DNAH6: variants seen among roughly 807,000 people sequenced by gnomAD.
The protein encoded by DNAH6 is dynein axonemal heavy chain 6.
Under a neutral mutation model 491.4 loss-of-function variants are expected in DNAH6, and 340 were observed. That is an observed-to-expected ratio of 0.69 (90% CI 0.63 to 0.76). The LOEUF is 0.76. Among genes scored for constraint, DNAH6 ranks in the 30% least tolerant of loss-of-function variants. The pLI is 0.00. For missense variants in DNAH6, 4,443 were observed against 4,972.2 expected, an observed-to-expected ratio of 0.89 and a Z score of 3.20; for synonymous variants, 1,603 against 1,686.1, an observed-to-expected ratio of 0.95 and a Z score of 1.21.
chr2:84,701,711 A>G (rs1031211291), intron 49 of DNAH6, among the ~76,000 whole-genome samples: 7 of 152,178 alleles, frequency 4.6e-5, no homozygotes, highest in Admixed American at 2.6e-4. Flanking sequence ...ACTCACTATC[A>G]TGATGACAGC....
rs1244964692 is a variant in DNAH6, at chr2:84,552,932, G to A, written c.1500G>A (p.Val500=). The A allele has an allele frequency of 3.1e-6, 5 of 1,609,236 alleles. No individual in the cohort carries two copies. Among genetic ancestry groups the A allele is most frequent in the Non-Finnish European group, 4.2e-6 (5 of 1,176,946 alleles). The change falls in exon 10 of 77, where the codon GTG becomes GTA. Residue 500 remains valine (V), a synonymous_variant. Transcript: ENST00000389394. The part of the protein sequence containing the change: ...EVPDKKGTLM[V]EKQEEDESLI... Reference sequence around the variant, plus strand: ...ATTCATTTCAGGGGACCCTTATGGTGGAAAAGCAAGAAGAAGATGAATCTC... The same window carrying A: ...ATTCATTTCAGGGGACCCTTATGGTAGAAAAGCAAGAAGAAGATGAATCTC...
intron 9 of DNAH6, 134 bp downstream of exon 9, chr2:84,550,191 T>G (rs1321551505): frequency 2.8e-6 from 2 of 708,766 alleles, no homozygotes; most frequent in Non-Finnish European, 4.4e-6. Context: ...GCCCCCAACA[T>G]TTTGGACACC....
chr2:84,654,781 A>C lies in DNAH6; in HGVS notation c.5756A>C (p.Lys1919Thr), dbSNP rs749582625. The change falls in exon 35 of 77, where the codon AAA (lysine) becomes ACA (threonine). Residue 1919 changes from lysine (K) to threonine (T), a missense_variant and splice_region_variant. Transcript: ENST00000389394. ...VKTWMKGISK[K>T]LTEETQEYIL... is the part of the protein sequence containing the mutation. ...ACTTGGATGAAGGGTATTTCTAAAA[A>C]AGTAAGTGCCATCAGATATTCCCCA... The C allele has an allele frequency of 1.3e-6, 2 of 1,550,702 alleles. No homozygotes were observed. The highest frequency in any genetic ancestry group is 1.7e-6 in the Non-Finnish European group (2 of 1,146,028).
chr2:84,634,474 C>T (rs569590504), intron 29 of DNAH6, 30 bp from the exon 30 acceptor site: 2 of 1,500,844 alleles, frequency 1.3e-6, no homozygotes, highest in East Asian at 5.1e-5. Context: ...CTACACAATA[C>T]AAAGTTGAAC....
chr2:84,797,881 C>T (rs193300647), intron 70 of DNAH6, among the ~76,000 whole-genome samples: 1 of 152,304 alleles, frequency 6.6e-6, no homozygotes, highest in African/African-American at 2.4e-5. Flanking sequence ...ACTGGCCAAG[C>T]CCCTACATCT....
chr2:84,513,230 A>G (rs910189005), upstream of DNAH6, among the ~76,000 whole-genome samples: 1 of 151,954 alleles, frequency 6.6e-6, no homozygotes, highest in Admixed American at 6.6e-5. Flanking sequence ...CATGTCTCAT[A>G]CTTTTGGTTG....
At chr2:84,772,741 G>A (rs1198023792) in intron 64 of DNAH6, among the ~76,000 whole-genome samples, 3 of 151,860 alleles carry the variant, frequency 2.0e-5, no homozygotes, top group East Asian at 3.8e-4. Context: ...GAACAATTAC[G>A]AAAAATAAAT....
At chr2:84,582,112 T>C (rs914229911) in intron 14 of DNAH6, among the ~76,000 whole-genome samples, 17 of 152,186 alleles carry the variant, frequency 1.1e-4, no homozygotes, top group Non-Finnish European at 2.5e-4. Context: ...ACATAACTTG[T>C]TCGAGGTGTT....
chr2:84,712,834 A>C (rs187239757), intron 56 of DNAH6, among the ~76,000 whole-genome samples: 3 of 152,210 alleles, frequency 2.0e-5, no homozygotes, highest in African/African-American at 2.4e-5. Flanking sequence ...TCTTCTTCTC[A>C]TGGAAATGAA....
At chr2:84,744,268 G>A (rs1452532937) in intron 62 of DNAH6, among the ~76,000 whole-genome samples, 4 of 152,194 alleles carry the variant, frequency 2.6e-5, no homozygotes, top group Non-Finnish European at 5.9e-5. Context: ...GCCAACCCAA[G>A]AAACCTGTTT....
At chr2:84,711,721 C>G (rs921782135) in intron 56 of DNAH6, among the ~76,000 whole-genome samples, 1 of 152,238 alleles carries the variant, frequency 6.6e-6, no homozygotes. Flanking sequence ...ACAGGTTACA[C>G]TATTCCCCAC....
intron 37 of DNAH6, among the ~76,000 whole-genome samples, chr2:84,666,995 G>A (rs1397717102): frequency 3.9e-5 from 6 of 152,150 alleles, no homozygotes; most frequent in Admixed American, 6.5e-5. Flanking sequence ...AAGAAATGGG[G>A]AAACAATTCC....
At chr2:84,516,743 A>T (rs192502708) in intron 1 of DNAH6, among the ~76,000 whole-genome samples, 160 bp downstream of exon 1, 11 of 152,326 alleles carry the variant, frequency 7.2e-5, no homozygotes, top group Admixed American at 1.3e-4. Context: ...AGAGGGGTGG[A>T]AAGTGAGCAA....
chr2:84,717,568 T>TGG (rs143120776), intron 58 of DNAH6, among the ~76,000 whole-genome samples: 1 of 151,642 alleles, frequency 6.6e-6, no homozygotes, highest in South Asian at 2.1e-4. Context: ...GCCCACCTTA[T>TGG]GGGGGGGGCA....
At chr2:84,532,822 A>G (rs573847350) in intron 4 of DNAH6, among the ~76,000 whole-genome samples, 1 of 152,306 alleles carries the variant, frequency 6.6e-6, no homozygotes, top group African/African-American at 2.4e-5. Flanking sequence ...CTATTGATGA[A>G]GCACCTATGG....
chr2:84,553,141 A>G (rs954172174), intron 10 of DNAH6, 107 bp downstream of exon 10: 1 of 640,166 alleles, frequency 1.6e-6, no homozygotes, highest in African/African-American at 1.8e-5. Flanking sequence ...CCACTCCAAG[A>G]TGATCATGAG....
intron 40 of DNAH6, among the ~76,000 whole-genome samples, chr2:84,676,378 A>G (rs1295725847): frequency 1.3e-5 from 2 of 152,230 alleles, no homozygotes; most frequent in East Asian, 3.8e-4. Flanking sequence ...AGTGCTGTCT[A>G]CTATTTCTAA....
intron 40 of DNAH6, 135 bp downstream of exon 40, chr2:84,672,619 A>G: frequency 1.2e-6 from 1 of 812,122 alleles, no homozygotes; most frequent in South Asian, 1.9e-5. Context: ...TTTTCTCATA[A>G]TTCTGAAGAC....
In DNAH6 at chr2:84,619,669, A is replaced by T. The variant is rs1407468551; in HGVS notation, c.3573-16A>T. On this transcript the variant is annotated splice_polypyrimidine_tract_variant and intron_variant, in intron 23 of 76. Transcript: ENST00000389394. ...TTCCATTTCAAGTTATATTTTAAGGATGTTCTTTAATCCAGGTTTTACTTC... is the reference window on the plus strand; with the variant it reads ...TTCCATTTCAAGTTATATTTTAAGGTTGTTCTTTAATCCAGGTTTTACTTC... The T allele has an allele frequency of 6.5e-7, 1 of 1,544,528 alleles. No homozygotes were observed. Among genetic ancestry groups the T allele is most frequent in the Non-Finnish European group, 8.8e-7 (1 of 1,140,748 alleles).
Sources: gnomAD v4.1 joint callset for allele counts (sites outside exome capture counted in the v4.1 genomes callset) on GRCh38, gnomAD v4.1.1 for gene constraint, MANE v1.5 for transcripts, NCBI Gene and HGNC (gene_info 2026-07-23, HGNC 2026-07-21) for gene names.